The following KLF12 variants were observed in gnomAD, a reference collection of about 807,000 sequenced individuals.
KLF12 encodes KLF transcription factor 12.
In KLF12, 9 loss-of-function variants were observed where a neutral mutation model predicts 37.8. The observed-to-expected ratio is 0.24, with a 90% CI of 0.14 to 0.42. The LOEUF is 0.42. KLF12 is among the 10% of genes least tolerant of loss of function. The probability of loss-of-function intolerance (pLI) is 1.00; values close to 1 mark genes in which losing one functional copy is unlikely to be tolerated. For missense variants in KLF12, 411 were observed against 516.0 expected (o/e 0.80, Z 1.97); for synonymous variants, 208 against 202.1 (o/e 1.03, Z -0.25).
intron 6 of KLF12, among the ~76,000 whole-genome samples, chr13:73,730,668 A>T (rs1299249014): frequency 1.3e-5 from 2 of 152,152 alleles, no homozygotes; most frequent in Non-Finnish European, 2.9e-5. Flanking sequence ...GAGGACACCA[A>T]CAAATAAGTC....
the KLF12 span, among the ~76,000 whole-genome samples, chr13:74,166,236 T>C: frequency 2.0e-5 from 3 of 151,864 alleles, 1 homozygote; most frequent in South Asian, 6.2e-4. Flanking sequence ...GGACTGCAAA[T>C]GCTTGCCACA....
intron 1 of KLF12, among the ~76,000 whole-genome samples, chr13:74,035,351 T>C (rs1018507979): frequency 6.6e-6 from 1 of 152,192 alleles, no homozygotes; most frequent in Non-Finnish European, 1.5e-5. Context: ...GTGGAATTTG[T>C]GGATGAGAAA....
chr13:73,870,092 C>T (rs977975099), intron 3 of KLF12, among the ~76,000 whole-genome samples: 1 of 152,196 alleles, frequency 6.6e-6, no homozygotes, highest in South Asian at 2.1e-4. Flanking sequence ...GTTCACCTCT[C>T]CATTCTATAT....
chr13:74,108,965 T>A (rs1876825798), intron 1 of KLF12, among the ~76,000 whole-genome samples: 1 of 152,126 alleles, frequency 6.6e-6, no homozygotes, highest in Admixed American at 6.6e-5. Context: ...TTTATGTAAA[T>A]TAATCATTCA....
chr13:74,288,066 TG>T, the KLF12 span, among the ~76,000 whole-genome samples: 5 of 119,774 alleles, frequency 4.2e-5, no homozygotes, highest in African/African-American at 1.3e-4. Context: ...TTTTCTGGTT[TG>T]AAGGGGGGAA....
chr13:74,089,734 G>A (rs1229193915), intron 1 of KLF12, among the ~76,000 whole-genome samples: 2 of 105,654 alleles, frequency 1.9e-5, no homozygotes. Flanking sequence ...ACCATTTATT[G>A]AAAAAAAAAA....
At chr13:74,024,766 GA>G (rs949613883) in intron 1 of KLF12, among the ~76,000 whole-genome samples, 3 of 152,172 alleles carry the variant, frequency 2.0e-5, no homozygotes, top group Non-Finnish European at 4.4e-5. Context: ...AAATGCACTT[GA>G]GGGGGAAAAA....
chr13:74,196,772 T>C, the KLF12 span, among the ~76,000 whole-genome samples: 1 of 152,202 alleles, frequency 6.6e-6, no homozygotes, highest in Non-Finnish European at 1.5e-5. Context: ...ACAATGTGAA[T>C]GTGCCCTCTC....
rs149986602 is a variant in KLF12 at position 73,760,474 on chromosome 13, G to T, written c.869+4464C>A. Among the ~76,000 whole-genome samples the T allele has an allele frequency of 2.6e-3, 402 of 151,980 alleles. 1 individual carries two copies. Among genetic ancestry groups the T allele is most frequent in the Non-Finnish European group, 3.3e-3 (227 of 67,966 alleles). ...TAGGACTACAGGTGCATACCATCAC[G>T]CCTGGCTAATTTTAAAAGGAAATAA... On this transcript the variant is annotated intron_variant, in intron 6 of 7. Transcript: ENST00000377669.
At chr13:73,738,629 A>C (rs1290929574) in intron 6 of KLF12, among the ~76,000 whole-genome samples, 1 of 152,202 alleles carries the variant, frequency 6.6e-6, no homozygotes, top group Non-Finnish European at 1.5e-5. Flanking sequence ...ATGAGTGACT[A>C]TGGAGAAATT....
intron 2 of KLF12, among the ~76,000 whole-genome samples, chr13:73,948,881 C>A (rs914197360): frequency 2.0e-5 from 3 of 152,212 alleles, no homozygotes; most frequent in Admixed American, 6.5e-5. Context: ...CAGTTGTCTA[C>A]TGCCATGCAA....
chr13:74,239,164 G>T, the KLF12 span, among the ~76,000 whole-genome samples: 1 of 148,536 alleles, frequency 6.7e-6, no homozygotes, highest in Non-Finnish European at 1.5e-5. Flanking sequence ...TGGTTTCAAA[G>T]AACATCTTTA....
At chr13:73,961,590 G>C (rs1891022217) in intron 2 of KLF12, among the ~76,000 whole-genome samples, 1 of 152,028 alleles carries the variant, frequency 6.6e-6, no homozygotes, top group Non-Finnish European at 1.5e-5. Context: ...AAAACTCCAG[G>C]GGGACCAAGT....
the KLF12 span, among the ~76,000 whole-genome samples, chr13:74,236,123 T>A: frequency 6.8e-6 from 1 of 147,140 alleles, no homozygotes; most frequent in Non-Finnish European, 1.5e-5. Flanking sequence ...GTCCCCAGAG[T>A]GTGACGTTCC....
chr13:74,128,678 T>C (rs1196466759), intron 1 of KLF12, among the ~76,000 whole-genome samples: 1 of 152,252 alleles, frequency 6.6e-6, no homozygotes, highest in African/African-American at 2.4e-5. Flanking sequence ...AGGTTTTCTT[T>C]ACATTGTTTT....
chr13:74,151,329 G>C, the KLF12 span, among the ~76,000 whole-genome samples: 2 of 152,032 alleles, frequency 1.3e-5, no homozygotes, highest in Non-Finnish European at 2.9e-5. Context: ...TTTGTCAGTG[G>C]ATAAAAGCTG....
the KLF12 span, chr13:74,231,525 C>G: frequency 1.3e-5 from 2 of 152,220 alleles, no homozygotes; most frequent in Non-Finnish European, 2.9e-5. Flanking sequence ...CCAACCTTCT[C>G]CCTCCAAATA....
chr13:73,757,374 G>A (rs1032384033), intron 6 of KLF12, among the ~76,000 whole-genome samples: 7 of 152,110 alleles, frequency 4.6e-5, no homozygotes, highest in Non-Finnish European at 1.0e-4. Flanking sequence ...CTAATTTAAA[G>A]AAATGTATTA....
chr13:74,212,688 C>T, the KLF12 span, among the ~76,000 whole-genome samples: 6 of 151,968 alleles, frequency 3.9e-5, no homozygotes, highest in Non-Finnish European at 5.9e-5. Context: ...AAAATCAATT[C>T]ATAATTGATT....
Sources: allele counts gnomAD v4.1 joint callset (sites outside exome capture counted in the v4.1 genomes callset), GRCh38; gene constraint gnomAD v4.1.1; transcripts MANE v1.5; gene names NCBI Gene and HGNC (gene_info 2026-07-23, HGNC 2026-07-21).